The following SGK1 variants were observed in gnomAD, a reference collection of about 807,000 sequenced individuals.
The protein encoded by SGK1 is serum/glucocorticoid regulated kinase 1, also known as serine/threonine-protein kinase Sgk1.
SGK1 carries 26 observed loss-of-function variants against 64.2 expected under a neutral mutation model. That is an observed-to-expected ratio of 0.40 (90% CI 0.30 to 0.56). The LOEUF is 0.56. Among genes scored for constraint, SGK1 ranks in the 20% least tolerant of loss-of-function variants. The probability of loss-of-function intolerance (pLI) is 0.38; values close to 1 mark genes in which losing one functional copy is unlikely to be tolerated. For synonymous variants in SGK1, 265 were observed against 239.7 expected (o/e 1.11, Z -0.98); for missense variants, 519 against 645.6 (o/e 0.80, Z 2.12).
At chr6:134,226,705 T>A (rs570259237) in intron 2 of SGK1, among the ~76,000 whole-genome samples, 11,785 of 150,464 alleles carry the variant, frequency 0.078, 516 homozygotes, top group Non-Finnish European at 0.088. Flanking sequence ...AAAAAAAAAA[T>A]AAAAATAAAA....
chr6:134,256,539 T>C (rs1426531805), intron 2 of SGK1, among the ~76,000 whole-genome samples: 1 of 152,212 alleles, frequency 6.6e-6, no homozygotes, highest in African/African-American at 2.4e-5. Flanking sequence ...TTGATCTAGA[T>C]ACTAAAGGTG....
chr6:134,209,432 T>C (rs1775849934), intron 2 of SGK1, among the ~76,000 whole-genome samples: 1 of 152,152 alleles, frequency 6.6e-6, no homozygotes, highest in East Asian at 1.9e-4. Context: ...AGCCTCTGTC[T>C]CAAAAAAACA....
At chr6:134,181,558 T>C (rs537328555) in intron 3 of SGK1, among the ~76,000 whole-genome samples, 82 of 152,174 alleles carry the variant, frequency 5.4e-4, no homozygotes, top group African/African-American at 1.8e-3. Context: ...TTGATCAGAC[T>C]GGTCTCGGAT....
chr6:134,235,984 A>G (rs1027212763), intron 2 of SGK1, among the ~76,000 whole-genome samples: 3 of 152,086 alleles, frequency 2.0e-5, no homozygotes, highest in African/African-American at 7.2e-5. Flanking sequence ...GACTCCAACC[A>G]TGGAGAGTTT....
At chr6:134,189,227 TGC>T (rs753776503) in intron 3 of SGK1, among the ~76,000 whole-genome samples, 4 of 132,692 alleles carry the variant, frequency 3.0e-5, no homozygotes, top group Admixed American at 7.4e-5. Flanking sequence ...TGTGTGTGTG[TGC>T]GTGTGCGTGT....
chr6:134,249,511 G>A (rs1318581125), intron 2 of SGK1: 2 of 152,176 alleles, frequency 1.3e-5, no homozygotes, highest in Non-Finnish European at 2.9e-5. Flanking sequence ...CTGCTGAGAA[G>A]CCTTCACTGG....
chr6:134,204,071 GAA>G (rs771749391), intron 3 of SGK1, among the ~76,000 whole-genome samples: 1 of 108,678 alleles, frequency 9.2e-6, no homozygotes, highest in African/African-American at 3.4e-5. Context: ...CTCCACCTCA[GAA>G]AAAAAAAAAA....
At chr6:134,189,241 C>CGTGTGT in intron 3 of SGK1, among the ~76,000 whole-genome samples, 1 of 149,152 alleles carries the variant, frequency 6.7e-6, no homozygotes, top group Admixed American at 6.7e-5. Context: ...TGTGCGTGTG[C>CGTGTGT]ATGTGTGTAT....
At chr6:134,200,960 A>T (rs1309991337) in intron 3 of SGK1, among the ~76,000 whole-genome samples, 1 of 152,102 alleles carries the variant, frequency 6.6e-6, no homozygotes, top group Non-Finnish European at 1.5e-5. Context: ...ATACTCTCTG[A>T]TGATGACTGA....
rs1008714863 is a variant in SGK1 at position 134,171,253 on chromosome 6, T to C, written c.1168-75A>G. The C allele has an allele frequency of 2.2e-6, 3 of 1,337,946 alleles. No individual in the cohort carries two copies. In the South Asian group the frequency reaches 3.7e-5, roughly 16 times the overall value. The allele number at this position is 1,337,946 out of a possible 1,614,324, so 82.9% of individuals were successfully genotyped here. A position where few individuals can be genotyped will look rare whatever the true frequency, so the allele number is the denominator to read the frequency against. Reference sequence around the variant, plus strand: ...CACACATTACCAGTAGAGAAAAAGATATAAACGGCAATAAATATTAGGCTC... The same window carrying C: ...CACACATTACCAGTAGAGAAAAAGACATAAACGGCAATAAATATTAGGCTC... On this transcript the variant is annotated intron_variant, in intron 11 of 13. Coordinates refer to ENST00000367858, the MANE Select transcript of SGK1 (RefSeq NM_001143676.3).
chr6:134,175,734 C>G (rs901436452), intron 3 of SGK1: 1 of 1,370,814 alleles, frequency 7.3e-7, no homozygotes, highest in Non-Finnish European at 9.4e-7. Context: ...AAGGAGCCGC[C>G]GTGACTCAGG....
intron 3 of SGK1, among the ~76,000 whole-genome samples, chr6:134,177,235 C>CAA (rs200055632): frequency 1.8e-5 from 2 of 108,626 alleles, no homozygotes; most frequent in African/African-American, 4.0e-5. Flanking sequence ...CAAACAAAAA[C>CAA]AAAACAAAAA....
chr6:134,307,946 G>T (rs1276624756), intron 1 of SGK1, among the ~76,000 whole-genome samples: 2 of 152,074 alleles, frequency 1.3e-5, no homozygotes, highest in Non-Finnish European at 2.9e-5. Context: ...TACACACCAG[G>T]CACACAGACA....
intron 2 of SGK1, among the ~76,000 whole-genome samples, chr6:134,250,368 C>A (rs904011011): frequency 8.5e-5 from 13 of 152,134 alleles, no homozygotes; most frequent in Non-Finnish European, 1.8e-4. Flanking sequence ...CAGTGCATTT[C>A]AGTTGATTGT....
At chr6:134,203,494 A>G (rs1775719761) in intron 3 of SGK1, among the ~76,000 whole-genome samples, 1 of 152,234 alleles carries the variant, frequency 6.6e-6, no homozygotes, top group Non-Finnish European at 1.5e-5. Context: ...AAAGGGGCTA[A>G]ACATCACAAG....
At chr6:134,191,592 A>G (rs1320424069) in intron 3 of SGK1, among the ~76,000 whole-genome samples, 4 of 152,112 alleles carry the variant, frequency 2.6e-5, no homozygotes, top group Admixed American at 2.0e-4. Context: ...TCCACCTATT[A>G]TAATAGCTGA....
intron 1 of SGK1, among the ~76,000 whole-genome samples, chr6:134,291,394 A>G (rs1050229353): frequency 6.6e-6 from 1 of 152,212 alleles, no homozygotes; most frequent in Non-Finnish European, 1.5e-5. Context: ...AGCAAACCCA[A>G]ACTAAGTTGT....
rs1424428044 is a variant in SGK1, at chr6:134,271,299, G to A, written c.70-9151C>T. Reference sequence around the variant, plus strand: ...GCACCACTAGACTCCAGTCTGCAGAGTGAAACTGTCTCAAAAAAAAAAAAA... The same window carrying A: ...GCACCACTAGACTCCAGTCTGCAGAATGAAACTGTCTCAAAAAAAAAAAAA... On this transcript the variant is annotated intron_variant, in intron 1 of 13. Coordinates refer to ENST00000367858, the MANE Select transcript of SGK1 (RefSeq NM_001143676.3). Among the ~76,000 whole-genome samples the A allele has an allele frequency of 1.6e-5, 2 of 123,470 alleles. 1 individual carries two copies. The highest frequency in any genetic ancestry group is 5.3e-4 in the East Asian group (2 of 3,796). The allele number at this position is 123,470 out of a possible 152,430, so 81.0% of individuals were successfully genotyped here.
Position 134,317,469 on chromosome 6 carries a change from G to C in SGK1, c.-9C>G. The C allele has an allele frequency of 6.3e-7, 1 of 1,593,076 alleles. No individual in the cohort carries two copies. Among genetic ancestry groups the C allele is most frequent in the African/African-American group, 1.3e-5 (1 of 74,614 alleles). ...ATGTCTTTGTTTACCATTTTCCACCGTGGGGAATTCACAGTTATAGATCCA... is the reference window on the plus strand; with the variant it reads ...ATGTCTTTGTTTACCATTTTCCACCCTGGGGAATTCACAGTTATAGATCCA... On this transcript the variant is annotated 5_prime_UTR_variant, in exon 1 of 14. Transcript: ENST00000367858.
Sources: allele counts gnomAD v4.1 joint callset (sites outside exome capture counted in the v4.1 genomes callset), GRCh38; gene constraint gnomAD v4.1.1; transcripts MANE v1.5; gene names NCBI Gene and HGNC (gene_info 2026-07-23, HGNC 2026-07-21).